PIGL: variants seen among roughly 807,000 people sequenced by gnomAD.
The protein encoded by PIGL is phosphatidylinositol glycan anchor biosynthesis class L.
In PIGL, 22 loss-of-function variants were observed where a neutral mutation model predicts 31.1. That is an observed-to-expected ratio of 0.71 (90% CI 0.51 to 1.01). The LOEUF is 1.01. Ranked by LOEUF, PIGL falls within the 50% of genes least tolerant of loss-of-function variation. The pLI, the probability that PIGL is intolerant of heterozygous loss-of-function variation, is 0.00. For missense variants in PIGL, 302 were observed against 315.9 expected (o/e 0.96, Z 0.33); for synonymous variants, 131 against 117.4 (o/e 1.12, Z -0.75).
chr17:16,261,420 T>G (rs1270079796), intron 2 of PIGL, among the ~76,000 whole-genome samples: 2 of 152,150 alleles, frequency 1.3e-5, no homozygotes, highest in Non-Finnish European at 2.9e-5. Context: ...ATAGATAAAT[T>G]GGACTTTGTC....
intron 2 of PIGL, among the ~76,000 whole-genome samples, chr17:16,268,331 T>G (rs968306716): frequency 2.6e-5 from 4 of 151,782 alleles, no homozygotes; most frequent in African/African-American, 9.7e-5. Context: ...GTGAGATATT[T>G]GCTTCTGAGC....
intron 2 of PIGL, among the ~76,000 whole-genome samples, chr17:16,237,520 G>C (rs1463705956): frequency 6.6e-6 from 1 of 151,816 alleles, no homozygotes; most frequent in East Asian, 1.9e-4. Context: ...GGAATCTCTG[G>C]TTGGGTGTGG....
At chr17:16,282,775 G>T (rs370661283) in intron 2 of PIGL, among the ~76,000 whole-genome samples, 28 of 152,158 alleles carry the variant, frequency 1.8e-4, no homozygotes, top group African/African-American at 6.3e-4. Flanking sequence ...TGTGATGTTG[G>T]CACCTCTCAA....
At chr17:16,224,432 G>T (rs1207821825) in intron 1 of PIGL, among the ~76,000 whole-genome samples, 1 of 149,812 alleles carries the variant, frequency 6.7e-6, no homozygotes, top group Non-Finnish European at 1.5e-5. Flanking sequence ...TCAGCCTCCC[G>T]AGTAGCTGGG....
At chr17:16,227,031 G>A (rs1018633847) in intron 1 of PIGL, among the ~76,000 whole-genome samples, 4 of 152,000 alleles carry the variant, frequency 2.6e-5, no homozygotes, top group Non-Finnish European at 5.9e-5. Context: ...CATCCTGAGG[G>A]TTTCTCTGCA....
chr17:16,320,447 A>C (rs2093100070), intron 6 of PIGL, among the ~76,000 whole-genome samples: 1 of 104,842 alleles, frequency 9.5e-6, no homozygotes, highest in African/African-American at 3.9e-5. Context: ...GAAGGAAAGA[A>C]GGAAGGGAGG....
At chr17:16,260,990 A>ATGCC (rs1025179364) in intron 2 of PIGL, among the ~76,000 whole-genome samples, 6 of 151,984 alleles carry the variant, frequency 3.9e-5, no homozygotes, top group Admixed American at 6.6e-5. Context: ...ATGGTGGCAC[A>ATGCC]TGCCTGTAAT....
chr17:16,302,371 C>T (rs537524417), intron 3 of PIGL, among the ~76,000 whole-genome samples: 1 of 152,218 alleles, frequency 6.6e-6, no homozygotes, highest in African/African-American at 2.4e-5. Flanking sequence ...TCTTACTCCT[C>T]CTCTTCAGCC....
At chr17:16,285,100 G>C (rs962061880) in intron 2 of PIGL, among the ~76,000 whole-genome samples, 2 of 152,106 alleles carry the variant, frequency 1.3e-5, no homozygotes, top group Non-Finnish European at 2.9e-5. Flanking sequence ...AGATTACAGG[G>C]GTGAGACACC....
chr17:16,222,092 G>A (rs1397113091), intron 1 of PIGL, among the ~76,000 whole-genome samples: 1 of 152,204 alleles, frequency 6.6e-6, no homozygotes, highest in Admixed American at 6.5e-5. Flanking sequence ...ATTCAAACGT[G>A]TGGATTAAAC....
intron 1 of PIGL, among the ~76,000 whole-genome samples, chr17:16,221,087 A>T (rs1005142079): frequency 3.3e-5 from 5 of 152,192 alleles, no homozygotes; most frequent in South Asian, 2.1e-4. Flanking sequence ...CAAAATGATA[A>T]GTTGGATTCA....
intron 4 of PIGL, among the ~76,000 whole-genome samples, chr17:16,316,321 A>G (rs1048993918): frequency 6.6e-6 from 1 of 152,226 alleles, no homozygotes; most frequent in African/African-American, 2.4e-5. Flanking sequence ...GCTATCAGTT[A>G]GCATTGTAAA....
At chr17:16,230,036 T>C (rs1392338059) in intron 1 of PIGL, among the ~76,000 whole-genome samples, 1 of 151,966 alleles carries the variant, frequency 6.6e-6, no homozygotes, top group East Asian at 1.9e-4. Context: ...CTAATTATTG[T>C]ATTTTTAGTA....
chr17:16,310,608 C>T (rs2093045075), intron 3 of PIGL, among the ~76,000 whole-genome samples: 1 of 152,058 alleles, frequency 6.6e-6, no homozygotes, highest in African/African-American at 2.4e-5. Flanking sequence ...GTGATATTGG[C>T]TCACTGCAAT....
At chr17:16,258,103 A>AAAG (rs2092803442) in intron 2 of PIGL, among the ~76,000 whole-genome samples, 7 of 65,722 alleles carry the variant, frequency 1.1e-4, no homozygotes, top group African/African-American at 2.3e-4. Flanking sequence ...GAGAGAGAGA[A>AAAG]AGAGAGAGAG....
intron 6 of PIGL, among the ~76,000 whole-genome samples, chr17:16,322,623 G>C (rs1033445222): frequency 6.6e-6 from 1 of 152,098 alleles, no homozygotes; most frequent in Admixed American, 6.6e-5. Flanking sequence ...TTACAAACAT[G>C]TGTCGATCTT....
rs12950571 is a variant in PIGL, at chr17:16,270,339, A to G, written c.336-29549A>G. Reference sequence around the variant, plus strand: ...ATGCCAGTCTCACTGTCATTCTCCAATCTTCCCACTATAACATATTTAGTT... The same window carrying G: ...ATGCCAGTCTCACTGTCATTCTCCAGTCTTCCCACTATAACATATTTAGTT... On this transcript the variant is annotated intron_variant, in intron 2 of 6. Coordinates refer to ENST00000225609, the MANE Select transcript of PIGL (RefSeq NM_004278.4). Among the ~76,000 whole-genome samples the G allele has an allele frequency of 2.4e-3, 359 of 152,000 alleles. 1 individual carries two copies. Among genetic ancestry groups the G allele is most frequent in the Non-Finnish European group, 2.7e-3 (186 of 67,984 alleles).
chr17:16,266,665 G>A (rs8067000), intron 2 of PIGL, among the ~76,000 whole-genome samples: 5 of 151,468 alleles, frequency 3.3e-5, no homozygotes, highest in African/African-American at 4.8e-5. Flanking sequence ...GCGCTATCTC[G>A]GCTCACTGCA....
chr17:16,285,153 A>G (rs768068242), intron 2 of PIGL, among the ~76,000 whole-genome samples: 7 of 152,214 alleles, frequency 4.6e-5, no homozygotes, highest in Non-Finnish European at 1.0e-4. Context: ...GATTTCTCAC[A>G]AGGACTTTGC....
Sources: allele counts gnomAD v4.1 joint callset (sites outside exome capture counted in the v4.1 genomes callset), GRCh38; gene constraint gnomAD v4.1.1; transcripts MANE v1.5; gene names NCBI Gene and HGNC (gene_info 2026-07-23, HGNC 2026-07-21).